The following PSCA variants were observed in gnomAD, a reference collection of about 807,000 sequenced individuals.
PSCA encodes prostate stem cell antigen.
A neutral mutation model predicts 7.9 loss-of-function variants in PSCA; 7 were observed. The ratio of observed to expected loss-of-function variants is 0.89; its 90% CI spans 0.51 to 1.67. The LOEUF is 1.67. Ranked by LOEUF, PSCA falls within the 40% of genes most tolerant of loss-of-function variation. PSCA has a pLI of 0.00. For missense variants in PSCA, 151 were observed against 147.9 expected, an observed-to-expected ratio of 1.02 and a Z score of -0.11; for synonymous variants, 61 against 68.3, an observed-to-expected ratio of 0.89 and a Z score of 0.53.
At chr8:142,678,300 A>AG (rs1209081992), upstream of PSCA, among the ~76,000 whole-genome samples, 1 of 152,174 alleles carries the variant, frequency 6.6e-6, no homozygotes, top group African/African-American at 2.4e-5. Flanking sequence ...TCAGGGGAGA[A>AG]GGGGCCGGTC....
chr8:142,680,844 G>C lies in PSCA; in HGVS notation c.25+281G>C, dbSNP rs1188503453. The C allele has an allele frequency of 1.2e-5, 7 of 570,248 alleles. No individual in the cohort carries two copies. In the African/African-American group the frequency reaches 1.3e-4, roughly 11 times the overall value. The allele number at this position is 570,248 out of a possible 1,614,324, so 35.3% of individuals were successfully genotyped here. ...GGGCCTGGCTCCTAGGGGGCAGGTA[G>C]ACAGACTGACGGATGGATGGGCAGA... On this transcript the variant is annotated intron_variant, in intron 1 of 2. Transcript: ENST00000301258.
chr8:142,675,665 T>G (rs1164838771), upstream of PSCA, among the ~76,000 whole-genome samples: 2 of 152,068 alleles, frequency 1.3e-5, no homozygotes, highest in African/African-American at 2.4e-5. Context: ...TCTCTCACAC[T>G]CTCACACACA....
chr8:142,678,855 A>G (rs1418292022), upstream of PSCA, among the ~76,000 whole-genome samples: 1 of 148,920 alleles, frequency 6.7e-6, no homozygotes, highest in Non-Finnish European at 1.5e-5. Context: ...AGGAGAGCCT[A>G]GGCCTGTACT....
chr8:142,680,643 G>A (rs587763054), intron 1 of PSCA, 80 bp downstream of exon 1: 32 of 1,500,070 alleles, frequency 2.1e-5, no homozygotes, highest in Admixed American at 2.0e-4. Flanking sequence ...CAGGGCACAC[G>A]GAGAGGAGGG....
In PSCA at chr8:142,673,796, A is replaced by G. The variant is rs2129855538; in HGVS notation, n.261+3228A>G. ...CCATCCATCAGTCATTAGACGTGCA[A>G]AAACCTGAAACGACATCTCACAAGG... On this transcript the variant is annotated intron_variant and non_coding_transcript_variant, in intron 1 of 1. Coordinates refer to the PSCA transcript ENST00000505305. This position sits in a 1 kb window ranked among gnomAD's most constrained non-coding sequence, Gnocchi z 4.6. Among the ~76,000 whole-genome samples, 1 of 152,374 alleles carries G rather than the reference A, an allele frequency of 6.6e-6. No individual in the cohort carries two copies.
At chr8:142,679,496 C>T (rs886331674), upstream of PSCA, among the ~76,000 whole-genome samples, 1 of 152,200 alleles carries the variant, frequency 6.6e-6, no homozygotes, top group Non-Finnish European at 1.5e-5. Context: ...TGACACAGCC[C>T]CCAGGAGACC....
At chr8:142,681,585 T>A (rs587702792) in intron 2 of PSCA, 151 bp downstream of exon 2, 1 of 692,592 alleles carries the variant, frequency 1.4e-6, no homozygotes, top group African/African-American at 1.7e-5. Context: ...CCAGCATCTG[T>A]CCCTCCAGCC....
At chr8:142,671,806 C>T (rs997545307) in intron 1 of PSCA, among the ~76,000 whole-genome samples, 23 of 152,150 alleles carry the variant, frequency 1.5e-4, no homozygotes, top group African/African-American at 5.6e-4. Flanking sequence ...TGCTGGGATT[C>T]CAGGCACGAG....
intron 1 of PSCA, among the ~76,000 whole-genome samples, chr8:142,671,376 G>A (rs1563801962): frequency 6.6e-6 from 1 of 152,218 alleles, no homozygotes; most frequent in Non-Finnish European, 1.5e-5. Flanking sequence ...CTCTCCTGGA[G>A]CCAGCAGAAG....
rs1332632347 is a variant in PSCA at position 142,680,524 on chromosome 8, C to G, written c.-15C>G. ...CCCACCAGTGACCACGAAGGCTGTG[C>G]TGCTTGCCCTGTTGATGGCAGGCTT... On this transcript the variant is annotated 5_prime_UTR_variant, in exon 1 of 3. Coordinates refer to ENST00000301258, the MANE Select transcript of PSCA (RefSeq NM_005672.5). The G allele has an allele frequency of 3.9e-6, 6 of 1,553,642 alleles. No homozygotes were observed. Among genetic ancestry groups the G allele is most frequent in the African/African-American group, 1.4e-5 (1 of 73,200 alleles).
At chr8:142,677,626 G>A (rs587743223), upstream of PSCA, among the ~76,000 whole-genome samples, 1 of 152,148 alleles carries the variant, frequency 6.6e-6, no homozygotes. Flanking sequence ...GGGGCGGAGG[G>A]AGGATGGGAC....
intron 1 of PSCA, chr8:142,680,832 A>C (rs1419980951): frequency 3.3e-5 from 19 of 576,942 alleles, no homozygotes; most frequent in African/African-American, 7.5e-5. Context: ...CCTGGCTCCT[A>C]GGGGGCAGGT....
chr8:142,675,282 C>T (rs1554637730), intron 1 of PSCA, among the ~76,000 whole-genome samples: 1 of 152,144 alleles, frequency 6.6e-6, no homozygotes, highest in Non-Finnish European at 1.5e-5. Context: ...AGGGGCCTGG[C>T]TGGTGGGGCA....
Position 142,682,126 on chromosome 8 carries a change from G to C in PSCA, c.339G>C (p.Gln113His), listed in dbSNP as rs782567116. 2.5e-6 allele frequency: 4 copies of C among 1,599,524 alleles called. No homozygotes were observed. The highest frequency in any genetic ancestry group is 3.4e-6 in the Non-Finnish European group (4 of 1,178,800). Reference protein sequence around the residue: ...ALGLLLWGPGQL With the variant: ...ALGLLLWGPGHL Reference sequence around the variant, plus strand: ...GCCTGCTGCTCTGGGGACCCGGCCAGCTCTAGGCTCTGGGGGGCCCCGCTG... The same window carrying C: ...GCCTGCTGCTCTGGGGACCCGGCCACCTCTAGGCTCTGGGGGGCCCCGCTG... Residue 113 changes from glutamine (Q) to histidine (H), a missense_variant, in exon 3 of 3, where the codon CAG (glutamine) becomes CAC (histidine). Coordinates refer to ENST00000301258, the MANE Select transcript of PSCA (RefSeq NM_005672.5).
rs1554638424 is a variant in PSCA, at chr8:142,681,998, G to A, written c.211G>A (p.Gly71Ser). 1 of 1,612,262 alleles carries A rather than the reference G, an allele frequency of 6.2e-7. No individual in the cohort carries two copies. The highest frequency in any genetic ancestry group is 1.3e-5 in the African/African-American group (1 of 74,930). The change falls in exon 3 of 3, where the codon GGC becomes AGC. Residue 71 changes from glycine (G) to serine (S), a missense_variant. Physicochemically the swap from Gly to Ser is moderately conservative, Grantham distance 56 (BLOSUM62 0). Transcript: ENST00000301258. ...CVDDSQDYYV[G>S]KKNITCCDTD... ...GGATGACTCACAGGACTACTACGTG[G>A]GCAAGAAGAACATCACGTGCTGTGA...
upstream of PSCA, among the ~76,000 whole-genome samples, chr8:142,678,463 G>C (rs1847423150): frequency 6.6e-6 from 1 of 152,236 alleles, no homozygotes; most frequent in Non-Finnish European, 1.5e-5. Flanking sequence ...GGTTGAAGGA[G>C]ACAGCAGCGG....
chr8:142,674,377 C>T (rs1847372056), intron 1 of PSCA, among the ~76,000 whole-genome samples: 1 of 149,520 alleles, frequency 6.7e-6, no homozygotes, highest in Non-Finnish European at 1.5e-5. Flanking sequence ...TCAGTCTAAC[C>T]TCAGCAGAGC....
chr8:142,678,434 T>C (rs1847422900), upstream of PSCA, among the ~76,000 whole-genome samples: 1 of 152,140 alleles, frequency 6.6e-6, no homozygotes, highest in Admixed American at 6.5e-5. Flanking sequence ...TCAGGGTCCA[T>C]GTACAAAGGC....
rs782523156 is a variant in PSCA, at chr8:142,681,954, G to C, written c.167G>C (p.Gly56Ala). ...GGCCTCCTGACCGTCATCAGCAAAGGCTGCAGCTTGAACTGCGTGGATGAC... is the reference window on the plus strand; with the variant it reads ...GGCCTCCTGACCGTCATCAGCAAAGCCTGCAGCTTGAACTGCGTGGATGAC... ...AVGLLTVISKGCSLNCVDDSQ... is the reference protein window; with the variant it reads ...AVGLLTVISKACSLNCVDDSQ... The change falls in exon 3 of 3, where the codon GGC (glycine) becomes GCC (alanine). Residue 56 changes from glycine to alanine, a missense_variant. Physicochemically the swap from Gly to Ala is moderately conservative, Grantham distance 60. Coordinates refer to ENST00000301258, the MANE Select transcript of PSCA (RefSeq NM_005672.5). The C allele has an allele frequency of 6.3e-7, 1 of 1,583,858 alleles. No homozygotes were observed. The highest frequency in any genetic ancestry group is 1.3e-5 in the African/African-American group (1 of 74,514).
Sources: gnomAD v4.1 joint callset for allele counts (sites outside exome capture counted in the v4.1 genomes callset) on GRCh38, gnomAD v4.1.1 for gene constraint, Gnocchi (gnomAD v3.1) non-coding constraint, MANE v1.5 for transcripts, NCBI Gene and HGNC (gene_info 2026-07-23, HGNC 2026-07-21) for gene names.